The following FAM222B variants were observed in gnomAD, a reference collection of about 807,000 sequenced individuals.
FAM222B encodes protein FAM222B.
In FAM222B, 12 loss-of-function variants were observed where a neutral mutation model predicts 38.0. That is an observed-to-expected ratio of 0.32 (90% confidence interval 0.20 to 0.51). The LOEUF is 0.51. FAM222B is among the 20% of genes least tolerant of loss of function. The pLI is 0.97. For synonymous variants in FAM222B, 329 were observed against 317.2 expected, an observed-to-expected ratio of 1.04 and a Z score of -0.40; for missense variants, 716 against 754.2, an observed-to-expected ratio of 0.95 and a Z score of 0.59.
At chr17:28,795,344 C>T (rs970269963) in intron 1 of FAM222B, among the ~76,000 whole-genome samples, 6 of 152,088 alleles carry the variant, frequency 3.9e-5, no homozygotes, top group African/African-American at 1.4e-4. Context: ...AGGGTTTCGC[C>T]GTGTTGGGCA....
chr17:28,778,717 ATATTTTTTTTT>A (rs2036022665), intron 1 of FAM222B, among the ~76,000 whole-genome samples: 1 of 58,386 alleles, frequency 1.7e-5, no homozygotes, highest in African/African-American at 8.3e-5. Context: ...ATATATATAT[ATATTTTTTTTT>A]TTTTTTTTTT....
Position 28,825,902 on chromosome 17 carries a change from G to A in FAM222B, c.-41+16780C>T, listed in dbSNP as rs560827338. On this transcript the variant is annotated intron_variant, in intron 1 of 2. Coordinates refer to ENST00000581407, the MANE Select transcript of FAM222B (RefSeq NM_001077498.3). ...GAATTCTCCTGCCTCAGCCTCCCAA[G>A]TAGCTGGGATTACAGGCACCCACCA... is the stretch of plus-strand genomic sequence containing the variant. 3.2e-4 allele frequency among the ~76,000 whole-genome samples: 47 copies of A among 147,760 alleles called. 2 individuals carry two copies. In the South Asian group the frequency reaches 9.7e-3, roughly 31 times the overall value.
At chr17:28,789,135 T>G (rs2036554266) in intron 1 of FAM222B, among the ~76,000 whole-genome samples, 1 of 142,444 alleles carries the variant, frequency 7.0e-6, no homozygotes, top group Admixed American at 7.1e-5. Flanking sequence ...ATCTTATGGA[T>G]AGTGGTAGAA....
intron 2 of FAM222B, 127 bp downstream of exon 2, chr17:28,766,459 A>G: frequency 2.4e-6 from 1 of 410,314 alleles, no homozygotes; most frequent in South Asian, 4.5e-5. Context: ...CTTCGTCTTA[A>G]AAAAAAAAAA....
At chr17:28,854,045 G>A (rs1427253721) in intron 1 of FAM222B, among the ~76,000 whole-genome samples, 4 of 148,478 alleles carry the variant, frequency 2.7e-5, no homozygotes, top group Admixed American at 6.9e-5. Context: ...CCAGGTTCAC[G>A]CCATTCTCCT....
At chr17:28,779,751 AAAATAAATAAATAAATAAAT>A (rs57583458) in intron 1 of FAM222B, among the ~76,000 whole-genome samples, 2 of 144,594 alleles carry the variant, frequency 1.4e-5, no homozygotes, top group South Asian at 2.3e-4. Context: ...ACTCCGTCTC[AAAATAAATAAATAAATAAAT>A]AAATAAATAA....
upstream of FAM222B, among the ~76,000 whole-genome samples, chr17:28,844,645 G>A (rs1053433587): frequency 7.2e-5 from 11 of 152,224 alleles, no homozygotes; most frequent in South Asian, 6.2e-4. Flanking sequence ...GCGACAGAGC[G>A]AGACTCCGTC....
At chr17:28,808,951 G>A (rs910214963) in intron 1 of FAM222B, among the ~76,000 whole-genome samples, 7 of 152,152 alleles carry the variant, frequency 4.6e-5, no homozygotes, top group Admixed American at 1.3e-4. Context: ...ACCTTCTCAA[G>A]GGGATCATTT....
chr17:28,843,137 TC>T (rs66697867), upstream of FAM222B, among the ~76,000 whole-genome samples: 36,958 of 149,312 alleles, frequency 0.25, 4,959 homozygotes, highest in African/African-American at 0.35. Flanking sequence ...TAAATTTGGG[TC>T]TTTTTTTTTT....
chr17:28,764,513 C>T (rs1159378246), intron 2 of FAM222B, among the ~76,000 whole-genome samples: 1 of 151,980 alleles, frequency 6.6e-6, no homozygotes, highest in Non-Finnish European at 1.5e-5. Context: ...CTTTGAGAGG[C>T]CGAGGCAGGC....
chr17:28,826,017 G>A (rs919949164), intron 1 of FAM222B, among the ~76,000 whole-genome samples: 4 of 151,830 alleles, frequency 2.6e-5, no homozygotes, highest in African/African-American at 9.7e-5. Context: ...CAAGTGATCT[G>A]CCCACCTCGG....
chr17:28,833,612 CAAA>C (rs370065990), intron 1 of FAM222B, among the ~76,000 whole-genome samples: 41 of 73,182 alleles, frequency 5.6e-4, no homozygotes, highest in Non-Finnish European at 8.7e-4. Flanking sequence ...GACTTTGTCT[CAAA>C]AAAAAAAAAA....
chr17:28,852,044 T>A (rs2039185516), intron 1 of FAM222B, among the ~76,000 whole-genome samples: 1 of 151,740 alleles, frequency 6.6e-6, no homozygotes. Flanking sequence ...AGAGTGAGAC[T>A]GTGGCTCAAA....
chr17:28,815,151 A>C (rs1053679690), intron 1 of FAM222B, among the ~76,000 whole-genome samples: 1 of 152,128 alleles, frequency 6.6e-6, no homozygotes, highest in Non-Finnish European at 1.5e-5. Flanking sequence ...CAATCCGTCA[A>C]CAGTAGTTAT....
At chr17:28,816,795 AAG>A (rs2038042746) in intron 1 of FAM222B, among the ~76,000 whole-genome samples, 3 of 152,186 alleles carry the variant, frequency 2.0e-5, no homozygotes, top group Non-Finnish European at 4.4e-5. Context: ...ATTAGACTTC[AAG>A]AGAACAGTAG....
At position 28,759,194 on chromosome 17, in the gene FAM222B, G is replaced by A. The variant is rs1404574002; in HGVS notation, c.765C>T (p.Ala255=). ...CCGGAGGCTGGCTGTGCTGCAGAGT[G>A]GCCGCCATTGAAAGGGGGATAGTTG... is the stretch of plus-strand genomic sequence containing the variant. ...STSTIPLSMA[A]TLQHSQPPDL... Residue 255 remains alanine (A), a synonymous_variant, in exon 3 of 3, where the codon GCC becomes GCT. Transcript: ENST00000581407. The surrounding 1 kb of genome is among the most constrained non-coding windows in gnomAD (Gnocchi z 4.8). The A allele has an allele frequency of 3.1e-6, 5 of 1,613,418 alleles. No homozygotes were observed. In the Admixed American group the frequency reaches 8.3e-5, roughly 27 times the overall value.
intron 1 of FAM222B, among the ~76,000 whole-genome samples, chr17:28,840,102 TTGGTGGCTTACGCC>T (rs2038983820): frequency 6.6e-6 from 1 of 152,032 alleles, no homozygotes. Context: ...CTCACTGCGC[TTGGTGGCTTACGCC>T]TGTGATCCCA....
At chr17:28,789,270 C>T (rs1459256385) in intron 1 of FAM222B, among the ~76,000 whole-genome samples, 1 of 150,588 alleles carries the variant, frequency 6.6e-6, no homozygotes, top group East Asian at 1.9e-4. Flanking sequence ...GGAATCTCAG[C>T]TCATTGCAAC....
chr17:28,770,816 C>T (rs751507813), intron 1 of FAM222B, among the ~76,000 whole-genome samples: 3 of 151,464 alleles, frequency 2.0e-5, no homozygotes, highest in Non-Finnish European at 4.4e-5. Context: ...GTGATCTGCC[C>T]GCCTCAGCCT....
Sources: gnomAD v4.1 joint callset for allele counts (sites outside exome capture counted in the v4.1 genomes callset) on GRCh38, gnomAD v4.1.1 for gene constraint, Gnocchi (gnomAD v3.1) non-coding constraint, MANE v1.5 for transcripts, NCBI Gene and HGNC (gene_info 2026-07-23, HGNC 2026-07-21) for gene names.